NEB: variants seen among roughly 807,000 people sequenced by gnomAD.
NEB encodes the protein nemaline myopathy type 2.
In NEB, 512 loss-of-function variants were observed where a neutral mutation model predicts 952.2. The observed-to-expected ratio is 0.54, with a 90% CI of 0.50 to 0.58. NEB has a LOEUF of 0.58. Among genes scored for constraint, NEB ranks in the 20% least tolerant of loss-of-function variants. The pLI is 0.00. For synonymous variants in NEB, 2,900 were observed against 3,149.8 expected, an observed-to-expected ratio of 0.92 and a Z score of 2.66; for missense variants, 8,428 against 9,231.1, an observed-to-expected ratio of 0.91 and a Z score of 3.56.
intron 10 of NEB, 121 bp downstream of exon 10, chr2:151,717,295 G>T: frequency 1.4e-6 from 1 of 736,734 alleles, no homozygotes; most frequent in South Asian, 1.5e-5. Flanking sequence ...GGGATCATAT[G>T]TAAAAATACT....
chr2:151,675,045 T>C (rs2099348405), intron 35 of NEB, among the ~76,000 whole-genome samples: 1 of 152,206 alleles, frequency 6.6e-6, no homozygotes. Flanking sequence ...GTAGAAGTTT[T>C]AGGGGAATAG....
chr2:151,649,698 ATAAGT>A (rs1355909738), intron 54 of NEB, among the ~76,000 whole-genome samples: 1 of 152,202 alleles, frequency 6.6e-6, no homozygotes, highest in African/African-American at 2.4e-5. Context: ...GGTGAAGAAA[ATAAGT>A]TGAAGATGGA....
At chr2:151,642,465 G>C in intron 60 of NEB, 109 bp downstream of exon 60, 1 of 892,136 alleles carries the variant, frequency 1.1e-6, no homozygotes, top group Non-Finnish European at 1.7e-6. Context: ...ACAATAAACT[G>C]TTAGCAACAG....
intron 105 of NEB, among the ~76,000 whole-genome samples, chr2:151,578,178 T>G (rs10167358): frequency 0.26 from 39,661 of 152,098 alleles, 5,861 homozygotes; most frequent in Non-Finnish European, 0.34. Flanking sequence ...ATAAATAACC[T>G]TCTGTAATCC....
At chr2:151,566,904 T>C (rs1003452317) in intron 114 of NEB, among the ~76,000 whole-genome samples, 1 of 152,140 alleles carries the variant, frequency 6.6e-6, no homozygotes, top group African/African-American at 2.4e-5. Context: ...GAGTGAGGAG[T>C]TGCTGATGGC....
chr2:151,697,310 A>C, intron 15 of NEB, 40 bp downstream of exon 15: 1 of 1,610,834 alleles, frequency 6.2e-7, no homozygotes, highest in Non-Finnish European at 8.5e-7. Context: ...CCCTGAGAAA[A>C]ATGTTATTTG....
chr2:151,543,788 C>T (rs924676386), intron 135 of NEB, among the ~76,000 whole-genome samples: 11 of 152,164 alleles, frequency 7.2e-5, no homozygotes, highest in African/African-American at 2.7e-4. Context: ...TGCTTGGCCT[C>T]TATGCCATTT....
At chr2:151,612,837 G>A (rs998062505) in intron 77 of NEB, among the ~76,000 whole-genome samples, 2 of 152,080 alleles carry the variant, frequency 1.3e-5, no homozygotes. Context: ...GCATTAATGT[G>A]TTTTTTTGGG....
chr2:151,610,851 C>A lies in NEB; in HGVS notation c.11821G>T (p.Ala3941Ser). 1 of 1,595,592 alleles carries A rather than the reference C, an allele frequency of 6.3e-7. No individual in the cohort carries two copies. Among genetic ancestry groups the A allele is most frequent in the Non-Finnish European group, 8.5e-7 (1 of 1,170,214 alleles). ...ATGGAGGTTTTGTCAGCATCCCAAGCTTCTGTGTATAAATGCTACAGGGCA... is the reference window on the plus strand; with the variant it reads ...ATGGAGGTTTTGTCAGCATCCCAAGATTCTGTGTATAAATGCTACAGGGCA... ...LTMSKHLYTE[A>S]WDADKTSIHV... The change falls in exon 79 of 182, where the codon GCT becomes TCT. Residue 3941 changes from alanine to serine, a missense_variant. Ala to Ser is a moderately conservative substitution (Grantham distance 99). Transcript: ENST00000397345.
intron 2 of NEB, among the ~76,000 whole-genome samples, chr2:151,733,408 T>A (rs2099813543): frequency 6.6e-6 from 1 of 152,354 alleles, no homozygotes; most frequent in Non-Finnish European, 1.5e-5. Flanking sequence ...TACTTCTACA[T>A]AATCAGTTTA....
chr2:151,591,862 TACATTACACAGAC>T lies in NEB; in HGVS notation c.14826+159_14826+171del, dbSNP rs1386711141. Among the ~76,000 whole-genome samples the T allele has an allele frequency of 4.6e-5, 7 of 152,304 alleles. No homozygotes were observed. The East Asian group carries it at 5.8e-4, about 13-fold the overall frequency. The stretch of plus-strand genomic sequence containing the variant: ...TTTCCTTCCAACAAACATTGAGATG[TACATTACACAGAC>T]ACACGCAGACCCACACAGCTACTTA... On this transcript the variant is annotated intron_variant, in intron 95 of 181. Transcript: ENST00000397345.
At chr2:151,639,789 A>C in intron 62 of NEB, 68 bp downstream of exon 62, 1 of 1,342,530 alleles carries the variant, frequency 7.4e-7, no homozygotes, top group Admixed American at 2.2e-5. Flanking sequence ...TTCTTTCCTC[A>C]TTAATGTTTC....
chr2:151,613,291 A>T (rs889239584), intron 77 of NEB, among the ~76,000 whole-genome samples: 8 of 152,224 alleles, frequency 5.3e-5, no homozygotes, highest in Admixed American at 3.9e-4. Flanking sequence ...CTTCATATGT[A>T]TAATTCATTT....
chr2:151,531,632 TGG>T (rs894077538), intron 144 of NEB, among the ~76,000 whole-genome samples, 158 bp downstream of exon 144: 10 of 152,070 alleles, frequency 6.6e-5, no homozygotes, highest in African/African-American at 2.4e-4. Flanking sequence ...AATTCTTTAT[TGG>T]GGAGGAGAAT....
intron 28 of NEB, among the ~76,000 whole-genome samples, chr2:151,683,020 T>G (rs1432292614): frequency 6.6e-6 from 1 of 152,180 alleles, no homozygotes; most frequent in Non-Finnish European, 1.5e-5. Flanking sequence ...GTACTCTAAT[T>G]CCAACCTGGA....
chr2:151,701,454 T>A (rs908741440), intron 13 of NEB, among the ~76,000 whole-genome samples: 11 of 149,514 alleles, frequency 7.4e-5, no homozygotes, highest in African/African-American at 2.5e-4. Context: ...CAGTTCCTCC[T>A]TGTACCTCTG....
chr2:151,713,520 CACTGAA>C (rs1219579204), intron 10 of NEB, among the ~76,000 whole-genome samples: 1 of 152,114 alleles, frequency 6.6e-6, no homozygotes, highest in East Asian at 1.9e-4. Flanking sequence ...AACAATATGT[CACTGAA>C]AGATTAGTTT....
chr2:151,680,879 T>A, intron 29 of NEB, 51 bp from the exon 30 acceptor site: 1 of 1,358,124 alleles, frequency 7.4e-7, no homozygotes, highest in Non-Finnish European at 1.1e-6. Flanking sequence ...CACTGAAGAT[T>A]AATACGTCAA....
At position 151,554,937 on chromosome 2, in the gene NEB, G is replaced by A; in HGVS notation, c.19422C>T (p.Asn6474=). 5 of 1,611,164 alleles carry A rather than the reference G, an allele frequency of 3.1e-6. No individual in the cohort carries two copies. Among genetic ancestry groups the A allele is most frequent in the Non-Finnish European group, 4.2e-6 (5 of 1,177,332 alleles). ...GGCGCATGACCGTACTTACATCGAT[G>A]TTAAGCTTGCCAACTCGGAGGCACC... ...TARCLRVGKL[N]IDRLYRSVYE... is the part of the protein sequence containing the mutation. Residue 6474 remains asparagine (N), a synonymous_variant, in exon 125 of 182, where the codon AAC becomes AAT. Transcript: ENST00000397345.
Sources: allele counts gnomAD v4.1 joint callset (sites outside exome capture counted in the v4.1 genomes callset), GRCh38; gene constraint gnomAD v4.1.1; transcripts MANE v1.5; gene names NCBI Gene and HGNC (gene_info 2026-07-23, HGNC 2026-07-21).